The following VPS41 variants were observed in gnomAD, a reference collection of about 807,000 sequenced individuals.
The protein encoded by VPS41 is vacuolar protein sorting-associated protein 41 homolog.
A neutral mutation model predicts 130.9 loss-of-function variants in VPS41; 85 were observed. That is an observed-to-expected ratio of 0.65 (90% confidence interval 0.55 to 0.78). VPS41 has a LOEUF of 0.78. VPS41 is among the 30% of genes least tolerant of loss of function. The pLI is 0.00. For missense variants in VPS41, 874 were observed against 1,018.7 expected, an observed-to-expected ratio of 0.86 and a Z score of 1.93; for synonymous variants, 335 against 332.9, an observed-to-expected ratio of 1.01 and a Z score of -0.07.
chr7:38,853,759 T>C (rs1423816035), intron 4 of VPS41, among the ~76,000 whole-genome samples: 2 of 152,250 alleles, frequency 1.3e-5, no homozygotes, highest in Admixed American at 6.5e-5. Context: ...ACTTCAACCC[T>C]GACTTTGAAA....
chr7:38,792,375 A>G (rs1047671471), intron 9 of VPS41, among the ~76,000 whole-genome samples: 1 of 152,208 alleles, frequency 6.6e-6, no homozygotes, highest in African/African-American at 2.4e-5. Flanking sequence ...AGACACACCT[A>G]AAACCAACTC....
chr7:38,739,268 T>C (rs887542681), intron 25 of VPS41, among the ~76,000 whole-genome samples: 21 of 152,332 alleles, frequency 1.4e-4, no homozygotes, highest in African/African-American at 4.8e-4. Flanking sequence ...CACAGTCACT[T>C]CCAGATTCCT....
At chr7:38,751,890 T>C (rs527250173) in intron 22 of VPS41, among the ~76,000 whole-genome samples, 1 of 152,332 alleles carries the variant, frequency 6.6e-6, no homozygotes, top group African/African-American at 2.4e-5. Flanking sequence ...ACTTCTAATA[T>C]ATCATTTTTG....
At chr7:38,894,832 A>G (rs1344738501) in intron 2 of VPS41, among the ~76,000 whole-genome samples, 1 of 152,180 alleles carries the variant, frequency 6.6e-6, no homozygotes, top group Non-Finnish European at 1.5e-5. Context: ...GAAAGAGCCC[A>G]GAGTTGGAAC....
intron 25 of VPS41, among the ~76,000 whole-genome samples, chr7:38,736,129 A>C (rs1339828888): frequency 1.2e-4 from 19 of 152,236 alleles, no homozygotes; most frequent in Admixed American, 1.2e-3. Context: ...TCAATATGTA[A>C]AGAGATATTT....
At chr7:38,791,510 T>C (rs1237828341) in intron 9 of VPS41, among the ~76,000 whole-genome samples, 2 of 152,182 alleles carry the variant, frequency 1.3e-5, no homozygotes, top group East Asian at 3.9e-4. Flanking sequence ...TAAGGCACTT[T>C]ACTGAAGTGT....
intron 4 of VPS41, among the ~76,000 whole-genome samples, chr7:38,842,593 T>C (rs368025111): frequency 1.2e-4 from 18 of 152,238 alleles, no homozygotes; most frequent in African/African-American, 4.3e-4. Flanking sequence ...CACCTATCTC[T>C]TCAGGCTCAT....
At chr7:38,835,185 G>A (rs1785468955) in intron 4 of VPS41, among the ~76,000 whole-genome samples, 1 of 151,694 alleles carries the variant, frequency 6.6e-6, no homozygotes, top group Admixed American at 6.6e-5. Flanking sequence ...GTGTTTATCA[G>A]CTGTACTAGC....
chr7:38,867,526 C>G (rs1022667561), intron 3 of VPS41, among the ~76,000 whole-genome samples: 1 of 148,428 alleles, frequency 6.7e-6, no homozygotes, highest in African/African-American at 2.5e-5. Flanking sequence ...GCCTGGGCAA[C>G]AAGAGTGAGA....
chr7:38,843,696 A>C (rs577126403), intron 4 of VPS41, among the ~76,000 whole-genome samples: 1 of 152,188 alleles, frequency 6.6e-6, no homozygotes, highest in African/African-American at 2.4e-5. Context: ...AAAAAAACAA[A>C]AAAAAAAACT....
chr7:38,841,007 C>A (rs1368337499), intron 4 of VPS41, among the ~76,000 whole-genome samples: 1 of 152,174 alleles, frequency 6.6e-6, no homozygotes, highest in African/African-American at 2.4e-5. Context: ...GTGTTGGCAG[C>A]AACTCATCTT....
chr7:38,906,408 G>A (rs537549495), intron 1 of VPS41, among the ~76,000 whole-genome samples: 2 of 151,400 alleles, frequency 1.3e-5, no homozygotes, highest in African/African-American at 2.4e-5. Context: ...GCAGTGGCAC[G>A]ATCATGGCTC....
chr7:38,781,026 T>TGCCA (rs1434369334), intron 10 of VPS41, among the ~76,000 whole-genome samples: 2 of 152,158 alleles, frequency 1.3e-5, no homozygotes, highest in African/African-American at 4.8e-5. Flanking sequence ...GCCAACCAGA[T>TGCCA]GCCAGCATCA....
chr7:38,797,000 G>C lies in VPS41; in HGVS notation c.451-136C>G, dbSNP rs1784634398. On this transcript the variant is annotated intron_variant, in intron 7 of 28. Coordinates refer to ENST00000310301, the MANE Select transcript of VPS41 (RefSeq NM_014396.4). Reference sequence around the variant, plus strand: ...TCGACGTCTTTAATGTAGACTTACAGTAGTATGTTATTTGTACCTTGGAAA... The same window carrying C: ...TCGACGTCTTTAATGTAGACTTACACTAGTATGTTATTTGTACCTTGGAAA... The C allele has an allele frequency of 1.4e-5, 13 of 944,322 alleles. No individual in the cohort carries two copies. In the South Asian group the frequency reaches 2.1e-4, roughly 15 times the overall value. The allele number at this position is 944,322 out of a possible 1,614,324, so 58.5% of individuals were successfully genotyped here.
chr7:38,758,122 G>A (rs1031587604), intron 18 of VPS41, among the ~76,000 whole-genome samples: 15 of 152,112 alleles, frequency 9.9e-5, no homozygotes, highest in Non-Finnish European at 1.6e-4. Context: ...TCTCCCAAGC[G>A]CTGTGCGTTA....
chr7:38,728,587 C>G lies in VPS41; in HGVS notation c.2360-1G>C. On this transcript the variant is annotated splice_acceptor_variant, in intron 26 of 28. Transcript: ENST00000310301. LOFTEE classifies it high-confidence loss of function. ...AGGCACGACTCACAGATGTTCTCCT[C>G]TGTAAGAAAACACACATACTTTGGA... is the stretch of plus-strand genomic sequence containing the variant. 1 of 1,614,134 alleles carries G rather than the reference C, an allele frequency of 6.2e-7. No homozygotes were observed.
intron 4 of VPS41, among the ~76,000 whole-genome samples, chr7:38,831,969 C>T (rs913557416): frequency 6.6e-6 from 1 of 152,088 alleles, no homozygotes; most frequent in East Asian, 1.9e-4. Flanking sequence ...ATCCTTTTTC[C>T]CACGTACCTC....
At chr7:38,813,610 G>A (rs914742089) in intron 7 of VPS41, among the ~76,000 whole-genome samples, 4 of 152,042 alleles carry the variant, frequency 2.6e-5, no homozygotes, top group South Asian at 2.1e-4. Flanking sequence ...GGGTAATCAC[G>A]GGATTCCTCA....
intron 10 of VPS41, among the ~76,000 whole-genome samples, chr7:38,786,063 C>T (rs974952203): frequency 1.3e-5 from 2 of 152,194 alleles, no homozygotes; most frequent in African/African-American, 2.4e-5. Flanking sequence ...GATTCTAGAG[C>T]ATTTCTGCAG....
Sources: gnomAD v4.1 joint callset for allele counts (sites outside exome capture counted in the v4.1 genomes callset) on GRCh38, gnomAD v4.1.1 for gene constraint, MANE v1.5 for transcripts, NCBI Gene and HGNC (gene_info 2026-07-23, HGNC 2026-07-21) for gene names.